EVI5: variants seen among roughly 807,000 people sequenced by gnomAD.
EVI5 encodes ecotropic viral integration site 5.
A neutral mutation model predicts 112.0 loss-of-function variants in EVI5; 73 were observed. That is an observed-to-expected ratio of 0.65 (90% CI 0.54 to 0.79). The LOEUF (loss-of-function observed/expected upper bound fraction) is 0.79, where lower values mean the gene tolerates loss of function less well. Ranked by LOEUF, EVI5 falls within the 30% of genes least tolerant of loss-of-function variation. The pLI is 0.00. For missense variants in EVI5, 900 were observed against 968.8 expected (o/e 0.93, Z 0.94); for synonymous variants, 305 against 319.9 (o/e 0.95, Z 0.50).
chr1:92,724,086 C>G (rs1675182745), intron 2 of EVI5, among the ~76,000 whole-genome samples: 2 of 152,218 alleles, frequency 1.3e-5, no homozygotes, highest in South Asian at 4.1e-4. Context: ...ATCAGTAATT[C>G]TAATTTTGCC....
chr1:92,586,211 T>C (rs1672750135), intron 18 of EVI5, among the ~76,000 whole-genome samples: 1 of 152,212 alleles, frequency 6.6e-6, no homozygotes. Flanking sequence ...GTTTCTCCAC[T>C]GTAAAGTTAC....
chr1:92,670,145 T>C (rs983749623), intron 10 of EVI5, among the ~76,000 whole-genome samples: 15 of 152,232 alleles, frequency 9.9e-5, no homozygotes, highest in Non-Finnish European at 2.1e-4. Context: ...TTATTAATTC[T>C]ACTTTTTATA....
intron 18 of EVI5, among the ~76,000 whole-genome samples, chr1:92,570,584 G>T (rs898662959): frequency 1.3e-5 from 2 of 152,140 alleles, no homozygotes; most frequent in African/African-American, 4.8e-5. Flanking sequence ...GATGACAAAG[G>T]CCAAGGTAAC....
At chr1:92,603,840 C>T (rs1242462989) in intron 18 of EVI5, among the ~76,000 whole-genome samples, 2 of 151,992 alleles carry the variant, frequency 1.3e-5, no homozygotes, top group African/African-American at 4.8e-5. Context: ...GCAACCCACC[C>T]ACCTCAGCCT....
At position 92,736,508 on chromosome 1, in the gene EVI5, A is replaced by G. The variant is rs767326761; in HGVS notation, c.39T>C (p.His13=). 1.2e-6 allele frequency: 2 copies of G among 1,613,880 alleles called. No homozygotes were observed. The highest frequency in any genetic ancestry group is 1.7e-6 in the Non-Finnish European group (2 of 1,179,806). Residue 13 remains histidine, a synonymous_variant, in exon 2 of 20, where the codon CAT becomes CAC. Transcript: ENST00000684568. ...SQVASPSTSL[H]TTSSSTTLST... is the part of the protein sequence containing the mutation. ...ATAGTGTGGTAGATGAGGATGTGGTATGTAATGAAGTAGATGGACTTGCCA... is the reference window on the plus strand; with the variant it reads ...ATAGTGTGGTAGATGAGGATGTGGTGTGTAATGAAGTAGATGGACTTGCCA...
At chr1:92,699,259 C>G (rs1350887045) in intron 5 of EVI5, among the ~76,000 whole-genome samples, 2 of 152,124 alleles carry the variant, frequency 1.3e-5, no homozygotes, top group South Asian at 2.1e-4. Flanking sequence ...TCAGTCACTA[C>G]GAGAAGCCCC....
intron 19 of EVI5, among the ~76,000 whole-genome samples, chr1:92,545,618 A>G (rs550856929): frequency 1.2e-3 from 185 of 152,290 alleles, no homozygotes; most frequent in Non-Finnish European, 2.4e-3. Flanking sequence ...CACAATCCCA[A>G]ACGATTTTTA....
rs3762277 is a variant in EVI5, at chr1:92,703,726, T to C, written c.340-107A>G. The C allele has an allele frequency of 8.2e-4, 562 of 689,484 alleles. 6 individuals carry two copies. The East Asian group carries it at 0.016, about 20-fold the overall frequency. The allele number at this position is 689,484 out of a possible 1,614,324, so 42.7% of individuals were successfully genotyped here. On this transcript the variant is annotated intron_variant, in intron 3 of 19. Transcript: ENST00000684568. ...AATGAAGTAGAAGACATCATTAAATTTGTAACTCACAAAGCTAGCTTTATA... is the reference window on the plus strand; with the variant it reads ...AATGAAGTAGAAGACATCATTAAATCTGTAACTCACAAAGCTAGCTTTATA...
At position 92,636,256 on chromosome 1, in the gene EVI5, A is replaced by C. The variant is rs947207216; in HGVS notation, c.1473T>G (p.Ala491=). 4 of 1,613,348 alleles carry C rather than the reference A, an allele frequency of 2.5e-6. No homozygotes were observed. In the African/African-American group the frequency reaches 5.3e-5, roughly 22 times the overall value. Residue 491 remains alanine, a synonymous_variant, in exon 14 of 20, where the codon GCT becomes GCG. Transcript: ENST00000684568. ...TCTCTTTTAATGCACACTGAGACTCAGCTTCACTCAGTCGGGCTTGGACCA... is the reference window on the plus strand; with the variant it reads ...TCTCTTTTAATGCACACTGAGACTCCGCTTCACTCAGTCGGGCTTGGACCA... ...KELVQARLSE[A]ESQCALKEMQ...
intron 2 of EVI5, chr1:92,714,083 T>C: frequency 1.0e-6 from 1 of 979,944 alleles, no homozygotes; most frequent in Non-Finnish European, 1.2e-6. Context: ...GAAAAAAAAC[T>C]ATCCGATTTC....
chr1:92,711,005 C>T (rs1211534281), intron 2 of EVI5, among the ~76,000 whole-genome samples: 2 of 152,114 alleles, frequency 1.3e-5, no homozygotes, highest in African/African-American at 2.4e-5. Context: ...ATCGAGATGC[C>T]ACCTATGTAA....
intron 1 of EVI5, among the ~76,000 whole-genome samples, chr1:92,765,995 T>A (rs11164804): frequency 0.92 from 139,344 of 151,568 alleles, 64,130 homozygotes; most frequent in East Asian, 0.97. Flanking sequence ...AAGTGTCAGA[T>A]GTCTGACACT....
At chr1:92,563,762 C>CA in intron 18 of EVI5, 25 bp from the exon 19 acceptor site, 1 of 1,506,452 alleles carries the variant, frequency 6.6e-7, no homozygotes, top group Non-Finnish European at 9.2e-7. Flanking sequence ...AACAACAAAG[C>CA]AAAAACAAGA....
At chr1:92,670,511 A>T (rs1387982374) in intron 10 of EVI5, among the ~76,000 whole-genome samples, 2 of 152,174 alleles carry the variant, frequency 1.3e-5, no homozygotes, top group Admixed American at 1.3e-4. Flanking sequence ...CCTTCGTAGT[A>T]TAACTGCCTG....
At chr1:92,594,805 C>T (rs1647272998) in intron 18 of EVI5, among the ~76,000 whole-genome samples, 4 of 150,260 alleles carry the variant, frequency 2.7e-5, no homozygotes, top group African/African-American at 7.3e-5. Flanking sequence ...AGCCAAAAGA[C>T]ACATGAAAAA....
At chr1:92,522,335 G>A (rs1377953031) in intron 19 of EVI5, among the ~76,000 whole-genome samples, 1 of 152,004 alleles carries the variant, frequency 6.6e-6, no homozygotes, top group African/African-American at 2.4e-5. Context: ...CTCCAGAAAG[G>A]TGGCTAAGAA....
chr1:92,571,577 T>C (rs184563297), intron 18 of EVI5, among the ~76,000 whole-genome samples: 23 of 152,294 alleles, frequency 1.5e-4, no homozygotes, highest in African/African-American at 5.1e-4. Flanking sequence ...TCTTTAAAAG[T>C]TAAAACAGGG....
chr1:92,594,724 A>C lies in EVI5; in HGVS notation c.2070+10583T>G, dbSNP rs527950259. Among the ~76,000 whole-genome samples, 85 of 151,198 alleles carry C rather than the reference A, an allele frequency of 5.6e-4. 1 individual carries two copies. The highest frequency in any genetic ancestry group is 2.0e-3 in the African/African-American group (81 of 41,106). ...TGAACTCAAACAAAGTTACAAGAAA[A>C]AAACAAACAACCCCATCAACAAGTG... On this transcript the variant is annotated intron_variant, in intron 18 of 19. Coordinates refer to ENST00000684568, the MANE Select transcript of EVI5 (RefSeq NM_001350197.2).
chr1:92,589,025 A>T (rs1188940763), intron 18 of EVI5, among the ~76,000 whole-genome samples: 2 of 152,216 alleles, frequency 1.3e-5, no homozygotes, highest in African/African-American at 4.8e-5. Context: ...GGTATAAGAA[A>T]GATCTCTAAC....
Sources: allele counts gnomAD v4.1 joint callset (sites outside exome capture counted in the v4.1 genomes callset), GRCh38; gene constraint gnomAD v4.1.1; transcripts MANE v1.5; gene names NCBI Gene and HGNC (gene_info 2026-07-23, HGNC 2026-07-21).